DNAI1: variants seen among roughly 807,000 people sequenced by gnomAD.
The protein encoded by DNAI1 is dynein, axonemal, intermediate polypeptide 1.
A neutral mutation model predicts 92.0 loss-of-function variants in DNAI1; 67 were observed. That is an observed-to-expected ratio of 0.73 (90% CI 0.60 to 0.89). The LOEUF (loss-of-function observed/expected upper bound fraction) is 0.89. DNAI1 is among the 40% of genes least tolerant of loss of function. The pLI, the probability that DNAI1 is intolerant of heterozygous loss-of-function variation, is 0.00. For synonymous variants in DNAI1, 323 were observed against 319.6 expected (o/e 1.01, Z -0.11); for missense variants, 839 against 866.6 (o/e 0.97, Z 0.40).
At chr9:34,494,798 G>C (rs1471276685) in intron 9 of DNAI1, among the ~76,000 whole-genome samples, 1 of 152,128 alleles carries the variant, frequency 6.6e-6, no homozygotes, top group Non-Finnish European at 1.5e-5. Context: ...AGTCCACATG[G>C]GAGGCAGGAC....
chr9:34,513,035 C>T (rs1825099447), intron 15 of DNAI1, 77 bp from the exon 16 acceptor site: 2 of 1,170,780 alleles, frequency 1.7e-6, no homozygotes, highest in Admixed American at 1.7e-5. Context: ...GGGCTGAGCT[C>T]CTCTGCTGAG....
In DNAI1 at chr9:34,489,496, C is replaced by G. The variant is rs534528638; in HGVS notation, c.388+47C>G. ...AAGCTACAGCCCTGAGCCTGTTCCC[C>G]TTATTCTGGTCACTCTAGGGAGTAT... On this transcript the variant is annotated intron_variant, in intron 5 of 19. Coordinates refer to ENST00000242317, the MANE Select transcript of DNAI1 (RefSeq NM_012144.4). 38 of 1,609,212 alleles carry G rather than the reference C, an allele frequency of 2.4e-5. 1 individual carries two copies. In the South Asian group the frequency reaches 4.2e-4, roughly 18 times the overall value.
Position 34,490,045 on chromosome 9 carries a change from C to T in DNAI1, c.422C>T (p.Thr141Ile). The part of the protein sequence containing the change: ...SQESVKVISE[T>I]GNLEEDEEPK... ...GAGTCTGTCAAGGTGATTTCAGAAA[C>T]AGGAAACCTCGAAGAAGACGAAGAG... is the stretch of plus-strand genomic sequence containing the variant. The change falls in exon 6 of 20, where the codon ACA becomes ATA. Residue 141 changes from threonine (T) to isoleucine (I), a missense_variant. Coordinates refer to ENST00000242317, the MANE Select transcript of DNAI1 (RefSeq NM_012144.4). 1 of 1,614,166 alleles carries T rather than the reference C, an allele frequency of 6.2e-7. No homozygotes were observed. Among genetic ancestry groups the T allele is most frequent in the Non-Finnish European group, 8.5e-7 (1 of 1,180,032 alleles).
intron 2 of DNAI1, 184 bp from the exon 3 acceptor site, chr9:34,484,958 C>G: frequency 1.6e-6 from 1 of 607,074 alleles, no homozygotes. Context: ...ATCTTCCAGG[C>G]AATGAGAACT....
chr9:34,514,390 C>G lies in DNAI1; in HGVS notation c.1570-4C>G. ...CTTCTGACCCCCGTTCCCTCCCCGA[C>G]CAGTGCTCTAAATCCTACTCCAGCC... On this transcript the variant is annotated splice_region_variant and splice_polypyrimidine_tract_variant and intron_variant, in intron 16 of 19. Coordinates refer to ENST00000242317, the MANE Select transcript of DNAI1 (RefSeq NM_012144.4). The G allele has an allele frequency of 1.2e-6, 2 of 1,613,934 alleles. No individual in the cohort carries two copies. The highest frequency in any genetic ancestry group is 1.7e-6 in the Non-Finnish European group (2 of 1,180,046).
intron 13 of DNAI1, among the ~76,000 whole-genome samples, chr9:34,510,404 A>T (rs1825041515): frequency 6.6e-6 from 1 of 152,158 alleles, no homozygotes; most frequent in Non-Finnish European, 1.5e-5. Flanking sequence ...GGAAGGATGT[A>T]CGAGCAAGAG....
chr9:34,463,167 T>TG (rs1472192081), intron 1 of DNAI1, among the ~76,000 whole-genome samples: 2 of 150,592 alleles, frequency 1.3e-5, no homozygotes, highest in Non-Finnish European at 3.0e-5. Context: ...GGGTGTGGGG[T>TG]GAAGGGATGG....
chr9:34,486,085 A>G (rs551630237), intron 4 of DNAI1, among the ~76,000 whole-genome samples: 12 of 152,270 alleles, frequency 7.9e-5, no homozygotes, highest in African/African-American at 2.6e-4. Context: ...ATATGCCTAT[A>G]TAGGGGACAA....
At chr9:34,496,057 A>C (rs1489946634) in intron 9 of DNAI1, among the ~76,000 whole-genome samples, 3 of 152,184 alleles carry the variant, frequency 2.0e-5, no homozygotes, top group African/African-American at 7.2e-5. Flanking sequence ...ACCACCGGGA[A>C]CTGGGTTAGA....
chr9:34,461,174 A>G (rs1405424919), intron 1 of DNAI1, among the ~76,000 whole-genome samples: 1 of 151,890 alleles, frequency 6.6e-6, no homozygotes, highest in African/African-American at 2.4e-5. Context: ...ACGGGGTTTC[A>G]CCATATTGGT....
intron 18 of DNAI1, among the ~76,000 whole-genome samples, chr9:34,516,821 C>G (rs1825178762): frequency 6.6e-6 from 1 of 151,068 alleles, no homozygotes; most frequent in African/African-American, 2.4e-5. Context: ...CTCACTGTAA[C>G]CTCCGCCTCC....
chr9:34,492,493 G>GAGATTATATATATATATATAT (rs1271867592), intron 8 of DNAI1, among the ~76,000 whole-genome samples: 2 of 68,268 alleles, frequency 2.9e-5, no homozygotes, highest in African/African-American at 5.1e-5. Flanking sequence ...GGGATATGAA[G>GAGATTATATATATATATATAT]ATATATATAT....
chr9:34,500,767 T>TG lies in DNAI1; in HGVS notation c.950dup (p.Thr318TyrfsTer11). 6.2e-7 allele frequency: 1 copy of TG among 1,614,036 alleles called. No homozygotes were observed. Among genetic ancestry groups the TG allele is most frequent in the South Asian group, 1.1e-5 (1 of 91,060 alleles). On this transcript the variant is annotated frameshift_variant, in exon 11 of 20. Transcript: ENST00000242317. LOFTEE classifies it high-confidence loss of function. ...GCTGCTGATGAATACCGGGACCAGG[T>TG]GGGTACCCTGCTGCCGCTCTGGAAG...
chr9:34,464,819 T>C (rs1218122988), intron 1 of DNAI1, among the ~76,000 whole-genome samples: 1 of 151,956 alleles, frequency 6.6e-6, no homozygotes, highest in African/African-American at 2.4e-5. Flanking sequence ...TAGCACAGGG[T>C]TCTATGGAAG....
At position 34,493,295 on chromosome 9, in the gene DNAI1, G is replaced by A. The variant is rs1299113119; in HGVS notation, c.783G>A (p.Met261Ile). ...CAGTGGCTAAAAAATCAGGGAAGATGGCCATGAGGAAGCTGACATCTATGG... is the reference window on the plus strand; with the variant it reads ...CAGTGGCTAAAAAATCAGGGAAGATAGCCATGAGGAAGCTGACATCTATGG... Reference protein sequence around the residue: ...KTPVAKKSGKMAMRKLTSMES... With the variant: ...KTPVAKKSGKIAMRKLTSMES... The change falls in exon 9 of 20, where the codon ATG becomes ATA. Residue 261 changes from methionine to isoleucine, a missense_variant. Physicochemically the swap from Met to Ile is conservative, Grantham distance 10. Coordinates refer to ENST00000242317, the MANE Select transcript of DNAI1 (RefSeq NM_012144.4). The A allele has an allele frequency of 2.5e-6, 4 of 1,614,002 alleles. No individual in the cohort carries two copies. The highest frequency in any genetic ancestry group is 2.5e-6 in the Non-Finnish European group (3 of 1,179,972).
chr9:34,512,928 GC>G (rs1180685055), intron 15 of DNAI1, among the ~76,000 whole-genome samples, 183 bp from the exon 16 acceptor site: 3 of 152,352 alleles, frequency 2.0e-5, no homozygotes, highest in East Asian at 1.9e-4. Flanking sequence ...GGACAAGCAG[GC>G]CAGAGGGCTG....
chr9:34,518,056 C>A (rs1825204082), intron 19 of DNAI1, among the ~76,000 whole-genome samples: 1 of 152,248 alleles, frequency 6.6e-6, no homozygotes, highest in Non-Finnish European at 1.5e-5. Context: ...AGAGCGATGA[C>A]CTTAAAGTCT....
chr9:34,514,291 G>A (rs1479510624), intron 16 of DNAI1, 103 bp from the exon 17 acceptor site: 5 of 1,467,682 alleles, frequency 3.4e-6, no homozygotes, highest in African/African-American at 1.4e-5. Context: ...GATGCGATGT[G>A]GGTTAAGGAC....
chr9:34,464,410 C>T (rs987565472), intron 1 of DNAI1, among the ~76,000 whole-genome samples: 5 of 152,086 alleles, frequency 3.3e-5, no homozygotes, highest in South Asian at 2.1e-4. Flanking sequence ...TATTGCTGTA[C>T]CTTAGTTCTA....
Sources: gnomAD v4.1 joint callset for allele counts (sites outside exome capture counted in the v4.1 genomes callset) on GRCh38, gnomAD v4.1.1 for gene constraint, MANE v1.5 for transcripts, NCBI Gene and HGNC (gene_info 2026-07-23, HGNC 2026-07-21) for gene names.